The following KALRN variants were observed in gnomAD, a reference collection of about 807,000 sequenced individuals.
KALRN encodes the protein kalirin.
A neutral mutation model predicts 353.7 loss-of-function variants in KALRN; 70 were observed. That is an observed-to-expected ratio of 0.20 (90% CI 0.16 to 0.24). KALRN has a LOEUF of 0.24. KALRN is among the 10% of genes least tolerant of loss of function. The pLI, the probability that KALRN is intolerant of heterozygous loss-of-function variation, is 1.00. For missense variants in KALRN, 2,791 were observed against 3,756.7 expected (o/e 0.74, Z 6.72); for synonymous variants, 1,391 against 1,434.8 (o/e 0.97, Z 0.69).
chr3:124,221,380 C>CT (rs1560272022), intron 1 of KALRN, among the ~76,000 whole-genome samples: 1 of 152,112 alleles, frequency 6.6e-6, no homozygotes, highest in African/African-American at 2.4e-5. Flanking sequence ...TTTCTTGACT[C>CT]TTTTTTGTGA....
chr3:124,300,947 A>G (rs1226230273), intron 6 of KALRN, among the ~76,000 whole-genome samples: 1 of 152,176 alleles, frequency 6.6e-6, no homozygotes, highest in African/African-American at 2.4e-5. Flanking sequence ...GTAACAGGTG[A>G]TTAAGAACGT....
Position 124,461,951 on chromosome 3 carries a change from T to A in KALRN, c.3916T>A (p.Leu1306Ile). 6.2e-7 allele frequency: 1 copy of A among 1,610,208 alleles called. No individual in the cohort carries two copies. The highest frequency in any genetic ancestry group is 8.5e-7 in the Non-Finnish European group (1 of 1,176,560). Reference protein sequence around the residue: ...KAYVRDLHECLETYLWEMTSG... With the variant: ...KAYVRDLHECIETYLWEMTSG... ...TTATGTAAGGGATTTGCATGAGTGCTTAGAGGTGAGTCTTCCAGTAATCCG... is the reference window on the plus strand; with the variant it reads ...TTATGTAAGGGATTTGCATGAGTGCATAGAGGTGAGTCTTCCAGTAATCCG... Residue 1306 changes from leucine to isoleucine, a missense_variant, in exon 24 of 60, where the codon TTA becomes ATA. Leu to Ile is a conservative substitution (Grantham distance 5). This residue lies in a region of KALRN where 268 missense variants were observed against 347.0 expected (regional missense o/e 0.77). Coordinates refer to ENST00000682506, the MANE Select transcript of KALRN (RefSeq NM_001388419.1).
At chr3:124,035,059 G>A (rs1160200146) in intron 1 of KALRN, among the ~76,000 whole-genome samples, 1 of 152,110 alleles carries the variant, frequency 6.6e-6, no homozygotes, top group Non-Finnish European at 1.5e-5. Context: ...TCTAGTTGAT[G>A]TGCAGAGGAA....
intron 3 of KALRN, among the ~76,000 whole-genome samples, chr3:124,252,605 T>C (rs2148771405): frequency 6.6e-6 from 1 of 152,284 alleles, no homozygotes; most frequent in Middle Eastern, 3.4e-3. Flanking sequence ...AAAAGATGTG[T>C]TGTTAAATGG....
chr3:124,202,932 A>G (rs534627242), intron 1 of KALRN, among the ~76,000 whole-genome samples: 24 of 152,072 alleles, frequency 1.6e-4, no homozygotes, highest in Non-Finnish European at 3.4e-4. Context: ...GTGTCGTGCC[A>G]GCTGGCAGGC....
rs1473619204 is a variant in KALRN at position 124,456,812 on chromosome 3, A to C, written c.3854+84A>C. The C allele has an allele frequency of 3.6e-6, 3 of 840,842 alleles. No individual in the cohort carries two copies. The East Asian group carries it at 8.2e-5, about 23-fold the overall frequency. 52.1% of individuals were successfully genotyped at this position (840,842 alleles called of 1,614,324 possible). A position where few individuals can be genotyped will look rare whatever the true frequency, so the allele number is the denominator to read the frequency against. Reference sequence around the variant, plus strand: ...GCTACTTGTCCCTTTGGATAGCTTAATATGTTCTCATGGCCACCTACAGGG... The same window carrying C: ...GCTACTTGTCCCTTTGGATAGCTTACTATGTTCTCATGGCCACCTACAGGG... On this transcript the variant is annotated intron_variant, in intron 23 of 59. Coordinates refer to ENST00000682506, the MANE Select transcript of KALRN (RefSeq NM_001388419.1).
At chr3:124,338,333 G>T (rs1392035695) in intron 9 of KALRN, among the ~76,000 whole-genome samples, 1 of 152,138 alleles carries the variant, frequency 6.6e-6, no homozygotes. Context: ...CTGGTACGTT[G>T]TGTCTTTGTT....
chr3:124,230,317 C>G (rs1333784030), intron 2 of KALRN, among the ~76,000 whole-genome samples: 1 of 152,200 alleles, frequency 6.6e-6, no homozygotes, highest in Non-Finnish European at 1.5e-5. Context: ...TTGAGCCTTT[C>G]CTCTCCTTCC....
chr3:124,036,222 C>G (rs1015937660), intron 1 of KALRN, among the ~76,000 whole-genome samples: 5 of 152,144 alleles, frequency 3.3e-5, no homozygotes, highest in African/African-American at 9.7e-5. Flanking sequence ...CTCCCACCTT[C>G]CACCCTCAAG....
intron 53 of KALRN, 87 bp from the exon 54 acceptor site, chr3:124,696,047 A>C: frequency 6.9e-7 from 1 of 1,447,828 alleles, no homozygotes; most frequent in Non-Finnish European, 9.6e-7. Context: ...TCAGCTCAGC[A>C]CACCATGGGC....
intron 1 of KALRN, among the ~76,000 whole-genome samples, chr3:124,081,367 C>T (rs2060534572): frequency 6.6e-6 from 1 of 152,206 alleles, no homozygotes. Flanking sequence ...TCTAGTTGGT[C>T]TCCCAGGGAA....
At chr3:124,614,859 A>T (rs1009211029) in intron 34 of KALRN, among the ~76,000 whole-genome samples, 5 of 152,246 alleles carry the variant, frequency 3.3e-5, no homozygotes, top group Admixed American at 6.5e-5. Flanking sequence ...GGCATGAGCC[A>T]TCACACCCAG....
intron 9 of KALRN, among the ~76,000 whole-genome samples, chr3:124,346,334 T>C (rs1310880844): frequency 1.3e-5 from 2 of 152,178 alleles, no homozygotes; most frequent in Non-Finnish European, 2.9e-5. Flanking sequence ...TTTTCCACCC[T>C]TCTTAGCATC....
intron 33 of KALRN, among the ~76,000 whole-genome samples, chr3:124,532,230 T>A (rs1250354951): frequency 2.0e-5 from 3 of 152,218 alleles, no homozygotes; most frequent in Non-Finnish European, 2.9e-5. Context: ...ACATGCCACA[T>A]ATGTCATGTC....
chr3:124,604,983 C>T (rs2077182949), intron 34 of KALRN, among the ~76,000 whole-genome samples: 1 of 152,100 alleles, frequency 6.6e-6, no homozygotes, highest in Non-Finnish European at 1.5e-5. Context: ...GGCAAAACCT[C>T]ATCTCTACAA....
intron 10 of KALRN, among the ~76,000 whole-genome samples, chr3:124,371,217 G>A (rs1294477489): frequency 6.6e-6 from 1 of 152,170 alleles, no homozygotes; most frequent in Non-Finnish European, 1.5e-5. Flanking sequence ...TTATTTTGGT[G>A]TAAAAAAGTT....
intron 33 of KALRN, among the ~76,000 whole-genome samples, chr3:124,540,210 C>T (rs1447901407): frequency 6.6e-6 from 1 of 152,094 alleles, no homozygotes; most frequent in African/African-American, 2.4e-5. Flanking sequence ...TAAGCCACTG[C>T]ACCCGGCCAC....
intron 10 of KALRN, among the ~76,000 whole-genome samples, chr3:124,360,087 G>A (rs1277701269): frequency 6.6e-6 from 1 of 152,382 alleles, no homozygotes; most frequent in African/African-American, 2.4e-5. Flanking sequence ...TGGGCATCCA[G>A]GAGCCAGTGG....
At chr3:124,712,803 T>TTAAAAATATAGGAGAGTAGG in intron 57 of KALRN, 132 bp from the exon 58 acceptor site, 1 of 578,416 alleles carries the variant, frequency 1.7e-6, no homozygotes, top group East Asian at 3.0e-5. Flanking sequence ...AACATTATAA[T>TTAAAAATATAGGAGAGTAGG]TAAAAATATA....
Sources: allele counts gnomAD v4.1 joint callset (sites outside exome capture counted in the v4.1 genomes callset), GRCh38; gene constraint gnomAD v4.1.1; regional missense constraint gnomAD v4.1.1; transcripts MANE v1.5; gene names NCBI Gene and HGNC (gene_info 2026-07-23, HGNC 2026-07-21).